The following EPHA6 variants were observed in gnomAD, a reference collection of about 807,000 sequenced individuals.
EPHA6 encodes EPH receptor A6.
A neutral mutation model predicts 112.0 loss-of-function variants in EPHA6; 50 were observed. That is an observed-to-expected ratio of 0.45 (90% CI 0.36 to 0.56). The LOEUF (loss-of-function observed/expected upper bound fraction) is 0.56. Among genes scored for constraint, EPHA6 ranks in the 20% least tolerant of loss-of-function variants. The probability of loss-of-function intolerance (pLI) is 0.00; values close to 1 mark genes in which losing one functional copy is unlikely to be tolerated. For synonymous variants in EPHA6, 529 were observed against 490.7 expected (o/e 1.08, Z -1.03); for missense variants, 1,280 against 1,417.4 (o/e 0.90, Z 1.56).
intron 11 of EPHA6, among the ~76,000 whole-genome samples, chr3:97,533,760 A>G (rs887429726): frequency 5.3e-5 from 8 of 152,052 alleles, no homozygotes; most frequent in African/African-American, 1.4e-4. Context: ...AATCCATAAG[A>G]TGAGGCCACA....
rs113060534 is a variant in EPHA6, at chr3:97,056,421, A to G, written c.1114+68428A>G. 5.3e-3 allele frequency among the ~76,000 whole-genome samples: 810 copies of G among 152,306 alleles called. 6 individuals are homozygous for G. The highest frequency in any genetic ancestry group is 0.018 in the African/African-American group (731 of 41,562). ...TTCACAAATCTGTTCTTTTATCAGC[A>G]TCCCATAATAGGTAGCAAAAGCACT... On this transcript the variant is annotated intron_variant, in intron 3 of 17. Transcript: ENST00000389672.
intron 3 of EPHA6, among the ~76,000 whole-genome samples, chr3:97,162,575 T>C (rs2076440165): frequency 6.6e-6 from 1 of 152,188 alleles, no homozygotes. Flanking sequence ...CAGTAGTCCC[T>C]GGAAGATCGG....
At chr3:97,342,671 T>A (rs888897919) in intron 5 of EPHA6, among the ~76,000 whole-genome samples, 5 of 152,076 alleles carry the variant, frequency 3.3e-5, no homozygotes, top group African/African-American at 1.2e-4. Context: ...TGATAAGAGA[T>A]ATAAGAAAGT....
intron 13 of EPHA6, chr3:97,612,545 T>A (rs9841964): frequency 0.26 from 62,213 of 235,364 alleles, 12,406 homozygotes; most frequent in African/African-American, 0.57. Flanking sequence ...ATTAAATGTT[T>A]TAAAGAAACA....
At chr3:97,252,418 T>TAC (rs922569903) in intron 5 of EPHA6, among the ~76,000 whole-genome samples, 10 of 151,574 alleles carry the variant, frequency 6.6e-5, no homozygotes, top group African/African-American at 1.2e-4. Context: ...CTCACACACA[T>TAC]ACACACACAC....
chr3:97,324,425 C>CTTTCTTTCTT (rs1553746306), intron 5 of EPHA6, among the ~76,000 whole-genome samples: 2 of 143,308 alleles, frequency 1.4e-5, no homozygotes, highest in Non-Finnish European at 3.0e-5. Context: ...TTCTTTCTTT[C>CTTTCTTTCTT]TTTCTTTCTT....
intron 5 of EPHA6, among the ~76,000 whole-genome samples, chr3:97,316,804 T>A (rs2081863474): frequency 1.3e-5 from 2 of 151,652 alleles, no homozygotes; most frequent in Admixed American, 6.6e-5. Context: ...TGGGAAGTAA[T>A]CAGTAAAGCT....
chr3:97,567,317 C>CA (rs1172651321), intron 11 of EPHA6, among the ~76,000 whole-genome samples: 4 of 151,808 alleles, frequency 2.6e-5, no homozygotes, highest in Non-Finnish European at 5.9e-5. Flanking sequence ...GCTTGTGTGC[C>CA]AAAAAATAAA....
intron 10 of EPHA6, among the ~76,000 whole-genome samples, chr3:97,497,313 C>A (rs1300021804): frequency 6.6e-6 from 1 of 152,160 alleles, no homozygotes; most frequent in African/African-American, 2.4e-5. Flanking sequence ...GCACTCCTAT[C>A]TCAAGACCTT....
chr3:97,559,571 A>T (rs2093160334), intron 11 of EPHA6: 1 of 453,520 alleles, frequency 2.2e-6, no homozygotes, highest in Non-Finnish European at 4.4e-6. Context: ...TACCCTACTC[A>T]CTTCTTTCTC....
At chr3:96,991,350 C>T (rs995241945) in intron 3 of EPHA6, among the ~76,000 whole-genome samples, 1 of 152,092 alleles carries the variant, frequency 6.6e-6, no homozygotes, top group Non-Finnish European at 1.5e-5. Context: ...GTACAATAAA[C>T]AGCCATCACT....
At chr3:97,266,632 T>C (rs1392715734) in intron 5 of EPHA6, among the ~76,000 whole-genome samples, 2 of 152,144 alleles carry the variant, frequency 1.3e-5, no homozygotes, top group African/African-American at 4.8e-5. Flanking sequence ...GGCAAAAGCC[T>C]GGGTAGATTT....
At chr3:96,970,251 A>C (rs1335418641) in intron 2 of EPHA6, among the ~76,000 whole-genome samples, 1 of 149,650 alleles carries the variant, frequency 6.7e-6, no homozygotes, top group Non-Finnish European at 1.5e-5. Context: ...ACACACACAC[A>C]CACACACACA....
At chr3:97,651,588 C>T (rs142151668) in intron 14 of EPHA6, among the ~76,000 whole-genome samples, 13 of 152,018 alleles carry the variant, frequency 8.6e-5, no homozygotes, top group African/African-American at 2.7e-4. Flanking sequence ...AGATATTTTC[C>T]GTACAGTTTG....
chr3:96,937,347 C>G (rs968989125), intron 2 of EPHA6, among the ~76,000 whole-genome samples: 1 of 152,162 alleles, frequency 6.6e-6, no homozygotes, highest in African/African-American at 2.4e-5. Context: ...TTGCATTTCT[C>G]TGATGGCCAG....
At chr3:97,006,478 C>A (rs988984073) in intron 3 of EPHA6, among the ~76,000 whole-genome samples, 4 of 151,508 alleles carry the variant, frequency 2.6e-5, no homozygotes, top group Admixed American at 2.6e-4. Context: ...TTTATTGTGT[C>A]CATTTGATTC....
chr3:97,521,569 C>G (rs567898481), intron 10 of EPHA6, among the ~76,000 whole-genome samples: 1 of 152,140 alleles, frequency 6.6e-6, no homozygotes, highest in Non-Finnish European at 1.5e-5. Context: ...TGAGAACTTA[C>G]TGTCTATCAT....
intron 3 of EPHA6, among the ~76,000 whole-genome samples, chr3:97,041,303 C>A (rs2045305950): frequency 6.6e-6 from 1 of 151,994 alleles, no homozygotes; most frequent in African/African-American, 2.4e-5. Flanking sequence ...AATCAGATAT[C>A]TTTCCTGGTT....
intron 2 of EPHA6, among the ~76,000 whole-genome samples, chr3:96,945,346 A>G (rs561336051): frequency 6.6e-6 from 1 of 152,298 alleles, no homozygotes; most frequent in South Asian, 2.1e-4. Flanking sequence ...CTTGAAATGA[A>G]GTAGTCTGCA....
Sources: allele counts gnomAD v4.1 joint callset (sites outside exome capture counted in the v4.1 genomes callset), GRCh38; gene constraint gnomAD v4.1.1; transcripts MANE v1.5; gene names NCBI Gene and HGNC (gene_info 2026-07-23, HGNC 2026-07-21).